The following WDFY3 variants were observed in gnomAD, a reference collection of about 807,000 sequenced individuals.
The protein encoded by WDFY3 is WD repeat and FYVE domain containing 3, also known as WD repeat and FYVE domain-containing protein 3.
WDFY3 carries 66 observed loss-of-function variants against 409.6 expected under a neutral mutation model. That is an observed-to-expected ratio of 0.16 (90% CI 0.13 to 0.20). WDFY3 has a LOEUF of 0.20. Ranked by LOEUF, WDFY3 falls within the 10% of genes least tolerant of loss-of-function variation. The pLI is 1.00. For synonymous variants in WDFY3, 1,521 were observed against 1,537.1 expected (o/e 0.99, Z 0.25); for missense variants, 3,031 against 4,298.1 (o/e 0.71, Z 8.24).
At position 84,677,267 on chromosome 4, in the gene WDFY3, G is replaced by A. The variant is rs1261964702; in HGVS notation, c.10389C>T (p.Cys3463=). The change falls in exon 67 of 68, where the codon TGC becomes TGT. Residue 3463 remains cysteine (C), a synonymous_variant. Coordinates refer to ENST00000295888, the MANE Select transcript of WDFY3 (RefSeq NM_014991.6). The part of the protein sequence containing the change: ...KDEGGDSCSG[C]SVRFSLTERR... ...TTTCTGTGAGTGAAAACCTCACCGA[G>A]CAGCCTGAGCAGCTGTCACCACCTT... 11 of 1,614,216 alleles carry A rather than the reference G, an allele frequency of 6.8e-6. No individual in the cohort carries two copies. Among genetic ancestry groups the A allele is most frequent in the Non-Finnish European group, 7.6e-6 (9 of 1,180,036 alleles).
chr4:84,840,272 C>T (rs989643430), intron 6 of WDFY3, among the ~76,000 whole-genome samples: 24 of 152,078 alleles, frequency 1.6e-4, no homozygotes, highest in African/African-American at 5.8e-4. Flanking sequence ...ATAATTACAG[C>T]TGATTTGGAG....
intron 5 of WDFY3, among the ~76,000 whole-genome samples, chr4:84,844,273 T>A (rs1757775019): frequency 6.6e-6 from 1 of 152,208 alleles, no homozygotes; most frequent in Non-Finnish European, 1.5e-5. Context: ...TTCACAATGA[T>A]GGTGAGTCAC....
intron 44 of WDFY3, among the ~76,000 whole-genome samples, chr4:84,732,948 T>C (rs962883225): frequency 3.3e-5 from 5 of 152,234 alleles, no homozygotes; most frequent in Non-Finnish European, 7.3e-5. Flanking sequence ...AAGATTCATG[T>C]GTTCTAATAT....
At chr4:84,684,607 A>C (rs1727987186) in intron 62 of WDFY3, among the ~76,000 whole-genome samples, 1 of 152,132 alleles carries the variant, frequency 6.6e-6, no homozygotes, top group Admixed American at 6.5e-5. Flanking sequence ...TTCTTCAGTA[A>C]ATCAAAAGGC....
chr4:84,883,627 T>C (rs771610027), intron 3 of WDFY3, among the ~76,000 whole-genome samples: 10 of 152,146 alleles, frequency 6.6e-5, no homozygotes, highest in Non-Finnish European at 1.3e-4. Context: ...TTTTATATCA[T>C]TACTGAAGGA....
chr4:84,848,714 T>C lies in WDFY3; in HGVS notation c.304+1188A>G, dbSNP rs140910331. On this transcript the variant is annotated intron_variant, in intron 5 of 67. Transcript: ENST00000295888. The stretch of plus-strand genomic sequence containing the variant: ...CTTGTCCTTTAGGAATGGAGAACAA[T>C]GGGGGATGGAGAGGAGGAGACAGAA... Among the ~76,000 whole-genome samples, 783 of 152,274 alleles carry C rather than the reference T, an allele frequency of 5.1e-3. 5 individuals carry two copies. The highest frequency in any genetic ancestry group is 8.2e-3 in the Admixed American group (125 of 15,296).
In WDFY3 at chr4:84,696,807, G is replaced by A. The variant is rs1419210081; in HGVS notation, c.8613C>T (p.Gly2871=). 8.1e-6 allele frequency: 13 copies of A among 1,613,662 alleles called. No homozygotes were observed. The African/African-American group carries it at 1.5e-4, about 18-fold the overall frequency. ...GAAGGATAACATCTCCAAGCTTGGT[G>A]CCATTTTGTTTACAGCCTATGCAAT... is the stretch of plus-strand genomic sequence containing the variant. ...NNFDLGCKQN[G]TKLGDVILPP... is the part of the protein sequence containing the mutation. The change falls in exon 57 of 68, where the codon GGC becomes GGT. Residue 2871 remains glycine (G), a synonymous_variant. Coordinates refer to ENST00000295888, the MANE Select transcript of WDFY3 (RefSeq NM_014991.6).
At chr4:84,861,318 A>G (rs1270113789) in intron 3 of WDFY3, among the ~76,000 whole-genome samples, 1 of 152,198 alleles carries the variant, frequency 6.6e-6, no homozygotes, top group African/African-American at 2.4e-5. Flanking sequence ...CCCAAATCTC[A>G]AAACATCTAA....
At chr4:84,797,114 CTT>C (rs1363856895) in intron 18 of WDFY3, among the ~76,000 whole-genome samples, 1 of 152,046 alleles carries the variant, frequency 6.6e-6, no homozygotes, top group African/African-American at 2.4e-5. Context: ...TATTAATTCT[CTT>C]TGAGGGAAAA....
chr4:84,790,288 T>C (rs967324714), intron 21 of WDFY3, among the ~76,000 whole-genome samples: 2 of 151,874 alleles, frequency 1.3e-5, no homozygotes, highest in African/African-American at 4.8e-5. Context: ...AGGCAAGAGT[T>C]TGCAGTGCTG....
intron 17 of WDFY3, among the ~76,000 whole-genome samples, chr4:84,799,924 C>A (rs1750199940): frequency 6.6e-6 from 1 of 152,176 alleles, no homozygotes; most frequent in African/African-American, 2.4e-5. Context: ...TTCTATTTAT[C>A]TAACTATGCA....
At chr4:84,922,979 C>A (rs1579142431) in intron 2 of WDFY3, among the ~76,000 whole-genome samples, 1 of 152,190 alleles carries the variant, frequency 6.6e-6, no homozygotes. Context: ...TTTGGCCTAT[C>A]TTCTATTCAG....
intron 1 of WDFY3, among the ~76,000 whole-genome samples, chr4:84,936,797 A>G (rs1276741782): frequency 6.6e-6 from 1 of 152,054 alleles, no homozygotes; most frequent in Admixed American, 6.6e-5. Flanking sequence ...AGAATCTCTC[A>G]TGACATTTAC....
chr4:84,715,389 A>G lies in WDFY3; in HGVS notation c.7876-6T>C, dbSNP rs1360736759. ...AAAACTTCCACAGCAATAGGCTGAAATGATCAGAGAGAAAAACATTAAGAA... is the reference window on the plus strand; with the variant it reads ...AAAACTTCCACAGCAATAGGCTGAAGTGATCAGAGAGAAAAACATTAAGAA... On this transcript the variant is annotated splice_region_variant and splice_polypyrimidine_tract_variant and intron_variant, in intron 49 of 67. Coordinates refer to ENST00000295888, the MANE Select transcript of WDFY3 (RefSeq NM_014991.6). The G allele has an allele frequency of 1.3e-6, 2 of 1,494,562 alleles. No homozygotes were observed. Among genetic ancestry groups the G allele is most frequent in the Non-Finnish European group, 1.9e-6 (2 of 1,078,726 alleles). The allele number at this position is 1,494,562 out of a possible 1,614,324, so 92.6% of individuals were successfully genotyped here.
At position 84,702,379 on chromosome 4, in the gene WDFY3, A is replaced by G; in HGVS notation, c.8570T>C (p.Leu2857Pro). The part of the protein sequence containing the change: ...IPEFFYLPEF[L>P]FNSNNFDLGC... Reference sequence around the variant, plus strand: ...TAGATCAAAGTTGTTGGAATTGAACAGGAATTCTGGTAAATAAAAGAACTC... The same window carrying G: ...TAGATCAAAGTTGTTGGAATTGAACGGGAATTCTGGTAAATAAAAGAACTC... The change falls in exon 56 of 68, where the codon CTG (leucine) becomes CCG (proline). Residue 2857 changes from leucine (L) to proline (P), a missense_variant. Physicochemically the swap from Leu to Pro is moderately conservative, Grantham distance 98. Around this residue, in one of 16 missense-constraint regions of WDFY3, gnomAD observed 129 missense variants for 305.3 expected, o/e 0.42. Transcript: ENST00000295888. 1.9e-6 allele frequency: 3 copies of G among 1,611,882 alleles called. No individual in the cohort carries two copies. The highest frequency in any genetic ancestry group is 1.7e-6 in the Non-Finnish European group (2 of 1,179,266).
At chr4:84,720,882 G>C (rs1378154150) in intron 47 of WDFY3, among the ~76,000 whole-genome samples, 2 of 152,188 alleles carry the variant, frequency 1.3e-5, no homozygotes, top group African/African-American at 4.8e-5. Flanking sequence ...CCAGGCTGCA[G>C]GGGCTCAGGC....
rs542346561 is a variant in WDFY3, at chr4:84,693,254, T to C, written c.8902-222A>G. Among the ~76,000 whole-genome samples, 19 of 152,354 alleles carry C rather than the reference T, an allele frequency of 1.2e-4. No homozygotes were observed. The South Asian group carries it at 3.9e-3, about 32-fold the overall frequency. On this transcript the variant is annotated intron_variant, in intron 58 of 67. Transcript: ENST00000295888. ...GGGACAGGACTATGATACTAAAGCA[T>C]GGGCTATTGTCTTGTTCTATGCTAA... is the stretch of plus-strand genomic sequence containing the variant.
At chr4:84,954,217 G>A (rs564921837) in intron 1 of WDFY3, among the ~76,000 whole-genome samples, 77 of 152,212 alleles carry the variant, frequency 5.1e-4, no homozygotes, top group Non-Finnish European at 1.0e-3. Context: ...AGGTTCTCAG[G>A]TAGCAAGTTT....
At chr4:84,824,304 T>G (rs1253214267) in intron 10 of WDFY3, among the ~76,000 whole-genome samples, 1 of 152,170 alleles carries the variant, frequency 6.6e-6, no homozygotes, top group Non-Finnish European at 1.5e-5. Context: ...TTGCTATAAT[T>G]GTTATATTTT....
Sources: allele counts gnomAD v4.1 joint callset (sites outside exome capture counted in the v4.1 genomes callset), GRCh38; gene constraint gnomAD v4.1.1; regional missense constraint gnomAD v4.1.1; transcripts MANE v1.5; gene names NCBI Gene and HGNC (gene_info 2026-07-23, HGNC 2026-07-21).